Variants in CDH18 observed in about 807,000 individuals in gnomAD.
CDH18 encodes cadherin 18, also known as cadherin-18.
CDH18 carries 31 observed loss-of-function variants against 67.9 expected under a neutral mutation model. The ratio of observed to expected loss-of-function variants is 0.46; its 90% CI spans 0.34 to 0.62. The LOEUF (loss-of-function observed/expected upper bound fraction) is 0.62. Ranked by LOEUF, CDH18 falls within the 20% of genes least tolerant of loss-of-function variation. The pLI, the probability that CDH18 is intolerant of heterozygous loss-of-function variation, is 0.01. For missense variants in CDH18, 890 were observed against 975.5 expected (o/e 0.91, Z 1.17); for synonymous variants, 362 against 347.2 (o/e 1.04, Z -0.48).
At chr5:19,937,820 AT>A (rs1256886604) in intron 2 of CDH18, among the ~76,000 whole-genome samples, 1 of 151,180 alleles carries the variant, frequency 6.6e-6, no homozygotes, top group Admixed American at 6.6e-5. Flanking sequence ...ATTTTTAGAA[AT>A]TAAATAAGTA....
chr5:19,547,033 C>G (rs1248937843), intron 8 of CDH18, among the ~76,000 whole-genome samples: 1 of 152,086 alleles, frequency 6.6e-6, no homozygotes, highest in Non-Finnish European at 1.5e-5. Flanking sequence ...AGTGGGAAAT[C>G]TGTATGTCAC....
intron 1 of CDH18, among the ~76,000 whole-genome samples, chr5:20,533,033 T>A (rs75698206): frequency 1.3e-5 from 2 of 151,978 alleles, no homozygotes; most frequent in Non-Finnish European, 2.9e-5. Context: ...GGTGATCAAG[T>A]TAAAATGAGG....
chr5:20,093,766 C>G (rs1745648133), intron 2 of CDH18, among the ~76,000 whole-genome samples: 2 of 152,076 alleles, frequency 1.3e-5, no homozygotes, highest in South Asian at 4.1e-4. Context: ...CTTGCCAACT[C>G]TTGGTTTTGA....
chr5:20,297,316 GA>G (rs1395008474), intron 1 of CDH18, among the ~76,000 whole-genome samples: 11 of 152,178 alleles, frequency 7.2e-5, no homozygotes, highest in Non-Finnish European at 1.3e-4. Flanking sequence ...TTAAGAAAAG[GA>G]AATTGACACA....
At chr5:19,558,387 G>T (rs1738833071) in intron 8 of CDH18, among the ~76,000 whole-genome samples, 2 of 152,014 alleles carry the variant, frequency 1.3e-5, no homozygotes, top group East Asian at 1.9e-4. Context: ...AAATAAAAAT[G>T]ATAGATCATT....
At chr5:20,308,457 C>T (rs947427039) in intron 1 of CDH18, among the ~76,000 whole-genome samples, 11 of 151,174 alleles carry the variant, frequency 7.3e-5, no homozygotes, top group Non-Finnish European at 1.0e-4. Flanking sequence ...GTAGGAGAAT[C>T]GCTTGAACCC....
chr5:20,387,721 T>C (rs1272830906), intron 1 of CDH18, among the ~76,000 whole-genome samples: 1 of 152,190 alleles, frequency 6.6e-6, no homozygotes, highest in African/African-American at 2.4e-5. Context: ...AGATAGCTCT[T>C]ATTATGCTGA....
chr5:19,960,561 A>ATG (rs146985982), intron 2 of CDH18, among the ~76,000 whole-genome samples: 40,944 of 121,170 alleles, frequency 0.34, 7,778 homozygotes, highest in Middle Eastern at 0.47. Flanking sequence ...GTGTGTGTGT[A>ATG]TGTGTGTGTG....
chr5:20,339,775 C>T (rs544402536), intron 1 of CDH18, among the ~76,000 whole-genome samples: 5 of 152,142 alleles, frequency 3.3e-5, no homozygotes, highest in Non-Finnish European at 7.4e-5. Context: ...CCGGATAATG[C>T]TGATATGTAT....
chr5:19,829,828 C>T (rs950929222), intron 3 of CDH18, among the ~76,000 whole-genome samples: 2 of 151,934 alleles, frequency 1.3e-5, no homozygotes, highest in African/African-American at 4.8e-5. Context: ...GGTACAAGTA[C>T]AAAAAAATGG....
rs146883395 is a variant in CDH18 at position 20,318,992 on chromosome 5, T to C, written c.-579-63487A>G. Among the ~76,000 whole-genome samples, 36 of 152,262 alleles carry C rather than the reference T, an allele frequency of 2.4e-4. No individual in the cohort carries two copies. The East Asian group carries it at 6.4e-3, about 27-fold the overall frequency. On this transcript the variant is annotated intron_variant, in intron 1 of 14. Coordinates refer to the CDH18 transcript ENST00000507958. Reference sequence around the variant, plus strand: ...ATCCAGACCCTAGAAAAACTCTTATTGTGCCCTAGGCTGCTCTACTTGGAA... The same window carrying C: ...ATCCAGACCCTAGAAAAACTCTTATCGTGCCCTAGGCTGCTCTACTTGGAA...
At chr5:19,935,827 T>TCA (rs1554067052) in intron 2 of CDH18, among the ~76,000 whole-genome samples, 1 of 149,430 alleles carries the variant, frequency 6.7e-6, no homozygotes, top group South Asian at 2.1e-4. Flanking sequence ...TCTCTCTCTC[T>TCA]CACTCTCTCT....
At chr5:20,030,961 T>A (rs556912867) in intron 2 of CDH18, among the ~76,000 whole-genome samples, 1 of 152,250 alleles carries the variant, frequency 6.6e-6, no homozygotes, top group South Asian at 2.1e-4. Context: ...ATAGAAAATG[T>A]AAAAAATTGA....
chr5:20,482,616 A>G (rs943621208), intron 1 of CDH18, among the ~76,000 whole-genome samples: 2 of 152,152 alleles, frequency 1.3e-5, no homozygotes, highest in African/African-American at 4.8e-5. Context: ...AGTGTGGTTC[A>G]ACATACACAA....
intron 1 of CDH18, among the ~76,000 whole-genome samples, chr5:20,322,741 CAAA>C (rs1052840036): frequency 2.0e-5 from 3 of 152,038 alleles, no homozygotes; most frequent in Non-Finnish European, 2.9e-5. Flanking sequence ...CAATGAATGA[CAAA>C]AAGCCGCTTG....
At chr5:19,532,413 T>G (rs1027177226) in intron 9 of CDH18, among the ~76,000 whole-genome samples, 4 of 152,204 alleles carry the variant, frequency 2.6e-5, no homozygotes, top group African/African-American at 7.2e-5. Context: ...TTTTTTTATT[T>G]TCATTTCCTT....
chr5:20,534,751 T>C (rs1756614597), intron 1 of CDH18, among the ~76,000 whole-genome samples: 1 of 152,046 alleles, frequency 6.6e-6, no homozygotes, highest in Admixed American at 6.6e-5. Flanking sequence ...AATATATTAA[T>C]GAAACCTGAA....
chr5:20,457,699 T>A (rs1750938009), intron 1 of CDH18, among the ~76,000 whole-genome samples: 1 of 152,162 alleles, frequency 6.6e-6, no homozygotes, highest in South Asian at 2.1e-4. Context: ...TCTAAAAGTA[T>A]GATAGCAAGC....
chr5:20,336,551 T>C (rs1739761038), intron 1 of CDH18, among the ~76,000 whole-genome samples: 1 of 151,084 alleles, frequency 6.6e-6, no homozygotes, highest in South Asian at 2.1e-4. Context: ...TGAAACCCCG[T>C]CTATACTAAA....
Sources: allele counts gnomAD v4.1 joint callset (sites outside exome capture counted in the v4.1 genomes callset), GRCh38; gene constraint gnomAD v4.1.1; transcripts MANE v1.5; gene names NCBI Gene and HGNC (gene_info 2026-07-23, HGNC 2026-07-21).